The following DNAH10 variants were observed in gnomAD, a reference collection of about 807,000 sequenced individuals.
DNAH10 encodes axonemal beta dynein heavy chain 10.
A neutral mutation model predicts 506.6 loss-of-function variants in DNAH10; 348 were observed. That is an observed-to-expected ratio of 0.69 (90% confidence interval 0.63 to 0.75). The LOEUF is 0.75. DNAH10 is among the 30% of genes least tolerant of loss of function. The pLI, the probability that DNAH10 is intolerant of heterozygous loss-of-function variation, is 0.00. For missense variants in DNAH10, 5,179 were observed against 5,787.1 expected (o/e 0.89, Z 3.41); for synonymous variants, 2,059 against 2,198.6 (o/e 0.94, Z 1.78).
At chr12:123,829,369 G>A (rs1960300664) in intron 25 of DNAH10, among the ~76,000 whole-genome samples, 1 of 152,186 alleles carries the variant, frequency 6.6e-6, no homozygotes, top group Non-Finnish European at 1.5e-5. Flanking sequence ...CACAGGCCCA[G>A]TTGAAAGGTC....
At chr12:123,805,163 C>G in intron 18 of DNAH10, 123 bp downstream of exon 18, 2 of 1,007,024 alleles carry the variant, frequency 2.0e-6, no homozygotes, top group South Asian at 1.6e-5. Flanking sequence ...CAGAGGCTTT[C>G]TGGCAGAAGG....
At chr12:123,859,068 A>G (rs760973861) in intron 37 of DNAH10, 82 bp from the exon 38 acceptor site, 10 of 1,266,614 alleles carry the variant, frequency 7.9e-6, no homozygotes, top group Non-Finnish European at 1.0e-5. Context: ...GGTAAATTGT[A>G]TGGCGTGTGT....
At chr12:123,782,329 G>GCCTCCCCCCCCCTCC (rs1957685911) in intron 6 of DNAH10, among the ~76,000 whole-genome samples, 1 of 63,640 alleles carries the variant, frequency 1.6e-5, no homozygotes, top group Admixed American at 1.9e-4. Flanking sequence ...GCCCTGCCCT[G>GCCTCCCCCCCCCTCC]CCTCCCCTCC....
intron 52 of DNAH10, among the ~76,000 whole-genome samples, chr12:123,892,664 A>T (rs1388784944): frequency 6.6e-6 from 1 of 152,232 alleles, no homozygotes; most frequent in Non-Finnish European, 1.5e-5. Flanking sequence ...AACGTCAGAG[A>T]TGGCATAAAA....
rs1431792787 is a variant in DNAH10, at chr12:123,841,493, A to G, written c.5308A>G (p.Asn1770Asp). ...AGTTTTGAATGAGATGAGAAGAACT[A>G]ATAGACTAATTACCAAAGAGGCTAT... is the stretch of plus-strand genomic sequence containing the variant. ...TAVLNEMRRT[N>D]RLITKEAIFR... The change falls in exon 30 of 79, where the codon AAT becomes GAT. Residue 1770 changes from asparagine (N) to aspartate (D), a missense_variant. Physicochemically the swap from Asn to Asp is conservative, Grantham distance 23. This residue lies in a region of DNAH10 where 4,844 missense variants were observed against 5,430.5 expected (regional missense o/e 0.89). Coordinates refer to ENST00000673944, the MANE Select transcript of DNAH10 (RefSeq NM_001372106.1). The G allele has an allele frequency of 6.2e-7, 1 of 1,614,002 alleles. No individual in the cohort carries two copies. Among genetic ancestry groups the G allele is most frequent in the Non-Finnish European group, 8.5e-7 (1 of 1,179,898 alleles).
rs572584850 is a variant in DNAH10 at position 123,853,471 on chromosome 12, C to T, written c.6438+119C>T. On this transcript the variant is annotated intron_variant, in intron 36 of 78. Coordinates refer to ENST00000673944, the MANE Select transcript of DNAH10 (RefSeq NM_001372106.1). The surrounding 1 kb of genome is among the most constrained non-coding windows in gnomAD (Gnocchi z 4.7). ...CCTGAAAGGTTTAAGTCTTAGCTGC[C>T]TCTTCACCCCGCGGTCTGGCCTTAC... The T allele has an allele frequency of 1.5e-6, 2 of 1,302,248 alleles. No individual in the cohort carries two copies. The highest frequency in any genetic ancestry group is 2.0e-6 in the Non-Finnish European group (2 of 985,732). 80.7% of individuals were successfully genotyped at this position (1,302,248 alleles called of 1,614,324 possible). A position where few individuals can be genotyped will look rare whatever the true frequency, so the allele number is the denominator to read the frequency against.
At chr12:123,769,661 A>G (rs1049235550) in intron 2 of DNAH10, among the ~76,000 whole-genome samples, 21 of 152,170 alleles carry the variant, frequency 1.4e-4, no homozygotes, top group African/African-American at 4.8e-4. Flanking sequence ...AATTAACATT[A>G]TTATATATTT....
In DNAH10 at chr12:123,935,567, CAA is replaced by C. The variant is rs1955461055; in HGVS notation, c.*87_*88del. Reference sequence around the variant, plus strand: ...TCTGCTGTCATTTCTTGGGGCCTCTCAAGAGGCAGGAGGGGGACTGACACTGA... The same window carrying C: ...TCTGCTGTCATTTCTTGGGGCCTCTCGAGGCAGGAGGGGGACTGACACTGA... On this transcript the variant is annotated 3_prime_UTR_variant, in exon 79 of 79. Coordinates refer to ENST00000673944, the MANE Select transcript of DNAH10 (RefSeq NM_001372106.1). 1 of 1,407,188 alleles carries C rather than the reference CAA, an allele frequency of 7.1e-7. No homozygotes were observed. Among genetic ancestry groups the C allele is most frequent in the Non-Finnish European group, 9.6e-7 (1 of 1,038,604 alleles). 87.2% of individuals were successfully genotyped at this position (1,407,188 alleles called of 1,614,324 possible). A position where few individuals can be genotyped will look rare whatever the true frequency, so the allele number is the denominator to read the frequency against.
At chr12:123,906,096 A>AT (rs1030291853) in intron 57 of DNAH10, among the ~76,000 whole-genome samples, 16 of 149,642 alleles carry the variant, frequency 1.1e-4, no homozygotes, top group East Asian at 4.0e-4. Flanking sequence ...CGCCTGGCTA[A>AT]TTTTTTTTTG....
At chr12:123,819,700 G>GTTTTTTT (rs768231077) in intron 23 of DNAH10, among the ~76,000 whole-genome samples, 7 of 101,842 alleles carry the variant, frequency 6.9e-5, no homozygotes, top group Admixed American at 1.1e-4. Flanking sequence ...CTAAAATTCT[G>GTTTTTTT]TTTTTTTTTT....
At chr12:123,790,386 C>G in intron 11 of DNAH10, among the ~76,000 whole-genome samples, 1 of 152,160 alleles carries the variant, frequency 6.6e-6, no homozygotes, top group Non-Finnish European at 1.5e-5. Flanking sequence ...AAAGTTTTGT[C>G]CAATATAAGT....
chr12:123,800,546 G>T (rs1461843027), intron 15 of DNAH10, among the ~76,000 whole-genome samples, 158 bp downstream of exon 15: 1 of 151,998 alleles, frequency 6.6e-6, no homozygotes, highest in Non-Finnish European at 1.5e-5. Context: ...TAAGGCCTGG[G>T]CGTTGTGGTG....
At chr12:123,831,904 CAA>C (rs1160149296) in intron 26 of DNAH10, among the ~76,000 whole-genome samples, 23 of 76,308 alleles carry the variant, frequency 3.0e-4, no homozygotes, top group Non-Finnish European at 4.1e-4. Context: ...GACTCTGTCT[CAA>C]AAAAAAAAAA....
intron 1 of DNAH10, among the ~76,000 whole-genome samples, chr12:123,763,892 G>A (rs1208954007): frequency 7.1e-6 from 1 of 140,982 alleles, no homozygotes; most frequent in East Asian, 2.1e-4. Context: ...TTGAGACAGA[G>A]TCTAGCTCTG....
intron 70 of DNAH10, 80 bp from the exon 71 acceptor site, chr12:123,929,195 G>A (rs1955086565): frequency 1.3e-5 from 18 of 1,401,290 alleles, no homozygotes; most frequent in South Asian, 5.0e-5. Context: ...GAAGGAAAGC[G>A]CAGTGCCTGC....
At chr12:123,897,007 G>A (rs1332492627) in intron 54 of DNAH10, among the ~76,000 whole-genome samples, 2 of 151,974 alleles carry the variant, frequency 1.3e-5, no homozygotes, top group East Asian at 3.8e-4. Context: ...ACTCCCCATC[G>A]CCCCTCCCTC....
Position 123,774,023 on chromosome 12 carries a change from A to G in DNAH10, c.506-126A>G, listed in dbSNP as rs1208625871. Reference sequence around the variant, plus strand: ...TTAAACACAAATAGGGGATATTCTGAATCTGTAACCAGAACATTCCTTGTA... The same window carrying G: ...TTAAACACAAATAGGGGATATTCTGGATCTGTAACCAGAACATTCCTTGTA... On this transcript the variant is annotated intron_variant, in intron 4 of 78. Transcript: ENST00000673944. 7 of 669,758 alleles carry G rather than the reference A, an allele frequency of 1.0e-5. No individual in the cohort carries two copies. The Middle Eastern group carries it at 7.5e-4, about 72-fold the overall frequency. The allele number at this position is 669,758 out of a possible 1,614,324, so 41.5% of individuals were successfully genotyped here. A position where few individuals can be genotyped will look rare whatever the true frequency, so the allele number is the denominator to read the frequency against.
rs1342768957 is a variant in DNAH10 at position 123,917,641 on chromosome 12, G to A, written c.11060G>A (p.Arg3687Gln). 3 of 1,551,560 alleles carry A rather than the reference G, an allele frequency of 1.9e-6. No homozygotes were observed. The highest frequency in any genetic ancestry group is 2.4e-5 in the East Asian group (1 of 40,932). ...AGCGTGCTGGTGGCTTACGAGAGGCGGGAGCTGGAGGAGCAGCGGGAGCAC... is the reference window on the plus strand; with the variant it reads ...AGCGTGCTGGTGGCTTACGAGAGGCAGGAGCTGGAGGAGCAGCGGGAGCAC... ...LLSVLVAYER[R>Q]ELEEQREHLI... Residue 3687 changes from arginine (R) to glutamine (Q), a missense_variant, in exon 64 of 79, where the codon CGG (arginine) becomes CAG (glutamine). By Grantham distance (43) the Arg-to-Gln change is conservative. Transcript: ENST00000673944. This position sits in a 1 kb window ranked among gnomAD's most constrained non-coding sequence, Gnocchi z 5.6.
At chr12:123,934,814 T>G (rs756601229) in intron 78 of DNAH10, 48 bp downstream of exon 78, 1 of 1,608,424 alleles carries the variant, frequency 6.2e-7, no homozygotes. Flanking sequence ...CTTCCTCTTC[T>G]GACTGTAGTT....
Sources: allele counts gnomAD v4.1 joint callset (sites outside exome capture counted in the v4.1 genomes callset), GRCh38; gene constraint gnomAD v4.1.1; regional missense constraint gnomAD v4.1.1; non-coding constraint Gnocchi (gnomAD v3.1); transcripts MANE v1.5; gene names NCBI Gene and HGNC (gene_info 2026-07-23, HGNC 2026-07-21).